The following SPTBN4 variants were observed in gnomAD, a reference collection of about 807,000 sequenced individuals.
SPTBN4 encodes the protein spectrin beta chain, non-erythrocytic 4.
A neutral mutation model predicts 277.8 loss-of-function variants in SPTBN4; 96 were observed. The ratio of observed to expected loss-of-function variants is 0.35; its 90% CI spans 0.29 to 0.41. The LOEUF is 0.41. Among genes scored for constraint, SPTBN4 ranks in the 10% least tolerant of loss-of-function variants. The pLI is 1.00. For missense variants in SPTBN4, 3,006 were observed against 3,595.7 expected, an observed-to-expected ratio of 0.84 and a Z score of 4.19; for synonymous variants, 1,481 against 1,580.3, an observed-to-expected ratio of 0.94 and a Z score of 1.49.
In SPTBN4 at chr19:40,570,617, C is replaced by T; in HGVS notation, c.7208C>T (p.Ala2403Val). 6.9e-7 allele frequency: 1 copy of T among 1,458,622 alleles called. No homozygotes were observed. Among genetic ancestry groups the T allele is most frequent in the Non-Finnish European group, 9.1e-7 (1 of 1,104,752 alleles). The allele number at this position is 1,458,622 out of a possible 1,614,324, so 90.4% of individuals were successfully genotyped here. A position where few individuals can be genotyped will look rare whatever the true frequency, so the allele number is the denominator to read the frequency against. ...GGSRRSRSAP[A>V]QGGSAPAPPP... The stretch of plus-strand genomic sequence containing the variant: ...AGCCGGCGCTCGCGCTCCGCCCCGG[C>T]CCAGGGCGGCTCCGCCCCCGCGCCT... The change falls in exon 33 of 36, where the codon GCC becomes GTC. Residue 2403 changes from alanine (A) to valine (V), a missense_variant. Physicochemically the swap from Ala to Val is moderately conservative, Grantham distance 64. Transcript: ENST00000598249.
intron 1 of SPTBN4, among the ~76,000 whole-genome samples, 185 bp downstream of exon 1, chr19:40,467,490 G>A (rs1171445735): frequency 1.3e-5 from 2 of 152,170 alleles, no homozygotes; most frequent in Non-Finnish European, 2.9e-5. Context: ...CCACGCGTGG[G>A]TCTTACCCCC....
intron 18 of SPTBN4, 111 bp downstream of exon 18, chr19:40,529,242 A>G (rs748678692): frequency 1.9e-6 from 2 of 1,069,184 alleles, no homozygotes; most frequent in Non-Finnish European, 2.8e-6. Context: ...TCGCGGAGCG[A>G]TGCTCGCTCT....
intron 1 of SPTBN4, among the ~76,000 whole-genome samples, chr19:40,470,816 A>T (rs1372558261): frequency 4.0e-5 from 6 of 150,696 alleles, no homozygotes; most frequent in African/African-American, 1.5e-4. Flanking sequence ...TATTTTCAGT[A>T]GAGACCGGGT....
At chr19:40,511,386 C>T (rs555285039) in intron 13 of SPTBN4, among the ~76,000 whole-genome samples, 3 of 152,220 alleles carry the variant, frequency 2.0e-5, no homozygotes, top group South Asian at 2.1e-4. Flanking sequence ...CCAGCCCAGG[C>T]GACAGTGAGA....
At chr19:40,570,845 G>A (rs1282083304) in intron 33 of SPTBN4, 117 bp downstream of exon 33, 10 of 1,123,938 alleles carry the variant, frequency 8.9e-6, no homozygotes, top group African/African-American at 5.0e-5. Context: ...GCAGGTGGCG[G>A]TAGTAGGTGG....
rs1474599629 is a variant in SPTBN4, at chr19:40,472,773, G to A, written c.152G>A (p.Arg51Gln). 6.3e-7 allele frequency: 1 copy of A among 1,580,602 alleles called. No individual in the cohort carries two copies. Among genetic ancestry groups the A allele is most frequent in the Non-Finnish European group, 8.6e-7 (1 of 1,161,314 alleles). The change falls in exon 2 of 36, where the codon CGG becomes CAG. Residue 51 changes from arginine to glutamine, a missense_variant. By Grantham distance (43) the Arg-to-Gln change is conservative. Transcript: ENST00000598249. ...GCGGCCTCGCTCTTTGAGTGCTCCCGGATCAAGGCCTTGGCAGGTACCTGG... is the reference window on the plus strand; with the variant it reads ...GCGGCCTCGCTCTTTGAGTGCTCCCAGATCAAGGCCTTGGCAGGTACCTGG... ...TAAASLFECS[R>Q]IKALADEREA...
intron 25 of SPTBN4, 59 bp from the exon 26 acceptor site, chr19:40,556,964 G>C (rs1488277674): frequency 6.7e-7 from 1 of 1,500,846 alleles, no homozygotes; most frequent in Non-Finnish European, 8.9e-7. Context: ...GGAGGGGGCT[G>C]GTGTATGCTG....
intron 18 of SPTBN4, chr19:40,530,867 T>C (rs957580321): frequency 8.6e-5 from 13 of 150,898 alleles, no homozygotes; most frequent in African/African-American, 3.2e-4. Flanking sequence ...GTAATCTGGA[T>C]TTGCCCTAAG....
At chr19:40,547,600 G>A (rs531395904) in intron 20 of SPTBN4, among the ~76,000 whole-genome samples, 6 of 152,262 alleles carry the variant, frequency 3.9e-5, no homozygotes, top group Admixed American at 1.3e-4. Context: ...TTGAGGAATC[G>A]CCACACTGTC....
At chr19:40,536,169 C>T (rs983648630) in intron 20 of SPTBN4, among the ~76,000 whole-genome samples, 4 of 151,882 alleles carry the variant, frequency 2.6e-5, no homozygotes, top group Admixed American at 2.0e-4. Flanking sequence ...TTTCCCTCCG[C>T]TCCCCTCCCC....
intron 30 of SPTBN4, among the ~76,000 whole-genome samples, chr19:40,566,692 T>TGACG (rs1356794595): frequency 2.6e-5 from 4 of 152,164 alleles, no homozygotes; most frequent in Non-Finnish European, 5.9e-5. Flanking sequence ...AGGCCAGGTG[T>TGACG]GACGGCTCAT....
In SPTBN4 at chr19:40,523,595, C is replaced by A. The variant is rs746647626; in HGVS notation, c.3813C>A (p.Ile1271=). 1 of 1,613,890 alleles carries A rather than the reference C, an allele frequency of 6.2e-7. No individual in the cohort carries two copies. The highest frequency in any genetic ancestry group is 8.5e-7 in the Non-Finnish European group (1 of 1,179,944). The change falls in exon 17 of 36, where the codon ATC becomes ATA. Residue 1271 remains isoleucine, a synonymous_variant. Coordinates refer to ENST00000598249, the MANE Select transcript of SPTBN4 (RefSeq NM_020971.3). ...AGGGCCTGCTGAGGCAGGGCAACATCTACGGGGAGCAGGCTCAGGAGGCTG... is the reference window on the plus strand; with the variant it reads ...AGGGCCTGCTGAGGCAGGGCAACATATACGGGGAGCAGGCTCAGGAGGCTG... ...AAEGLLRQGN[I]YGEQAQEAVT...
At position 40,502,291 on chromosome 19, in the gene SPTBN4, A is replaced by G; in HGVS notation, c.1061A>G (p.Tyr354Cys). 2.0e-6 allele frequency: 3 copies of G among 1,502,300 alleles called. No homozygotes were observed. Among genetic ancestry groups the G allele is most frequent in the South Asian group, 2.2e-5 (2 of 89,526 alleles). 93.1% of individuals were successfully genotyped at this position (1,502,300 alleles called of 1,614,324 possible). The change falls in exon 9 of 36, where the codon TAT becomes TGT. Residue 354 changes from tyrosine to cysteine, a missense_variant. Coordinates refer to ENST00000598249, the MANE Select transcript of SPTBN4 (RefSeq NM_020971.3). This position sits in a 1 kb window ranked among gnomAD's most constrained non-coding sequence, Gnocchi z 4.9. ...CAGCAACTCCAGGCTTTCACGGCCT[A>G]TTGCACGCTGGAGAAGCCTGTCAAG... is the stretch of plus-strand genomic sequence containing the variant. ...VQQQLQAFTA[Y>C]CTLEKPVKFQ...
rs539796918 is a variant in SPTBN4, at chr19:40,495,563, G to A, written c.668+586G>A. Among the ~76,000 whole-genome samples the A allele has an allele frequency of 5.3e-5, 8 of 152,110 alleles. No individual in the cohort carries two copies. In the East Asian group the frequency reaches 5.8e-4, roughly 11 times the overall value. On this transcript the variant is annotated intron_variant, in intron 6 of 35. Transcript: ENST00000598249. ...CTGGGGAGGCTGAGGCAGGAGAATC[G>A]CTTGAACCCAGGAGGCGGAGGTTGC... is the stretch of plus-strand genomic sequence containing the variant.
rs368007858 is a variant in SPTBN4 at position 40,503,904 on chromosome 19, G to C, written c.1437G>C (p.Ala479=). 6.2e-7 allele frequency: 1 copy of C among 1,613,038 alleles called. No individual in the cohort carries two copies. The highest frequency in any genetic ancestry group is 8.5e-7 in the Non-Finnish European group (1 of 1,179,208). ...KKHEAIEADI[A]AYEERVQGVA... ...ACGAAGCGATCGAGGCAGACATTGC[G>C]GCCTACGAGGAGCGGGTGCAGGGTG... Residue 479 remains alanine (A), a synonymous_variant, in exon 12 of 36, where the codon GCG becomes GCC. Coordinates refer to ENST00000598249, the MANE Select transcript of SPTBN4 (RefSeq NM_020971.3).
In SPTBN4 at chr19:40,497,534, C is replaced by A; in HGVS notation, c.714C>A (p.Asn238Lys). ...DFSKLTKSNA[N>K]YNLQRAFRTA... Reference sequence around the variant, plus strand: ...GCAAACTCACCAAGTCCAATGCCAACTACAACCTGCAGAGAGCCTTCCGCA... The same window carrying A: ...GCAAACTCACCAAGTCCAATGCCAAATACAACCTGCAGAGAGCCTTCCGCA... Residue 238 changes from asparagine to lysine, a missense_variant, in exon 7 of 36, where the codon AAC becomes AAA. Around this residue, in one of 5 missense-constraint regions of SPTBN4, gnomAD observed 1,759 missense variants for 2,061.5 expected, o/e 0.85. Transcript: ENST00000598249. The A allele has an allele frequency of 2.5e-6, 4 of 1,614,194 alleles. No homozygotes were observed. The highest frequency in any genetic ancestry group is 3.4e-6 in the Non-Finnish European group (4 of 1,180,038).
At chr19:40,471,857 G>T (rs1191047460) in intron 1 of SPTBN4, among the ~76,000 whole-genome samples, 1 of 150,608 alleles carries the variant, frequency 6.6e-6, no homozygotes, top group Non-Finnish European at 1.5e-5. Flanking sequence ...TCACACCTCA[G>T]CCTCCTGAGT....
chr19:40,574,342 A>G lies in SPTBN4; in HGVS notation c.7537-1069A>G, dbSNP rs568878202. Reference sequence around the variant, plus strand: ...ACACTTGTTATCTCATTCAATCTTCACAAGATGCAATGAAGAAGTGGGCTT... The same window carrying G: ...ACACTTGTTATCTCATTCAATCTTCGCAAGATGCAATGAAGAAGTGGGCTT... On this transcript the variant is annotated intron_variant, in intron 35 of 35. Transcript: ENST00000598249. Among the ~76,000 whole-genome samples, 6 of 152,018 alleles carry G rather than the reference A, an allele frequency of 3.9e-5. No individual in the cohort carries two copies. The South Asian group carries it at 1.0e-3, about 26-fold the overall frequency.
At chr19:40,503,644 G>T (rs2080288720) in intron 11 of SPTBN4, among the ~76,000 whole-genome samples, 186 bp from the exon 12 acceptor site, 1 of 152,024 alleles carries the variant, frequency 6.6e-6, no homozygotes, top group Non-Finnish European at 1.5e-5. Context: ...GGTAACAATG[G>T]AGGGTGGGGC....
Sources: allele counts gnomAD v4.1 joint callset (sites outside exome capture counted in the v4.1 genomes callset), GRCh38; gene constraint gnomAD v4.1.1; regional missense constraint gnomAD v4.1.1; non-coding constraint Gnocchi (gnomAD v3.1); transcripts MANE v1.5; gene names NCBI Gene and HGNC (gene_info 2026-07-23, HGNC 2026-07-21).